The following DSCAM variants were observed in gnomAD, a reference collection of about 807,000 sequenced individuals.
The protein encoded by DSCAM is DS cell adhesion molecule.
A neutral mutation model predicts 217.7 loss-of-function variants in DSCAM; 47 were observed. The observed-to-expected ratio is 0.22, with a 90% confidence interval of 0.17 to 0.28. DSCAM has a LOEUF of 0.28. Ranked by LOEUF, DSCAM falls within the 10% of genes least tolerant of loss-of-function variation. The pLI is 1.00. For missense variants in DSCAM, 2,080 were observed against 2,618.3 expected (o/e 0.79, Z 4.49); for synonymous variants, 1,056 against 1,015.3 (o/e 1.04, Z -0.76).
intron 4 of DSCAM, among the ~76,000 whole-genome samples, chr21:40,364,107 A>C (rs911564913): frequency 6.6e-5 from 10 of 152,180 alleles, no homozygotes; most frequent in African/African-American, 2.4e-5. Flanking sequence ...AAACATTGTG[A>C]AAGTCAGTGT....
intron 3 of DSCAM, among the ~76,000 whole-genome samples, chr21:40,381,076 A>AAG (rs1555911741): frequency 1.1e-4 from 16 of 149,420 alleles, no homozygotes; most frequent in African/African-American, 3.2e-4. Flanking sequence ...AAAAAAAAAA[A>AAG]AAAAAAAAGA....
rs773504976 is a variant in DSCAM at position 40,055,783 on chromosome 21, G to A, written c.4977C>T (p.His1659=). The A allele has an allele frequency of 1.1e-5, 18 of 1,613,852 alleles. No individual in the cohort carries two copies. The highest frequency in any genetic ancestry group is 1.6e-4 in the Middle Eastern group (1 of 6,078). The part of the protein sequence containing the change: ...LSKQQQTLRM[H]IDIPRAQLLI... ...AAAGCTGAGCCCTGGGTATGTCGAT[G>A]TGCATTCGCAGGGTCTGCTGTTGCT... The change falls in exon 29 of 33, where the codon CAC becomes CAT. Residue 1659 remains histidine, a synonymous_variant. Transcript: ENST00000400454.
At position 40,077,571 on chromosome 21, in the gene DSCAM, G is replaced by A. The variant is rs575612704; in HGVS notation, c.4711+1116C>T. ...TAAAGCGGCCTCCCAAATGCACAAA[G>A]TAAAGAAAGAATCACTCTCCTAGAG... On this transcript the variant is annotated intron_variant, in intron 26 of 32. Coordinates refer to ENST00000400454, the MANE Select transcript of DSCAM (RefSeq NM_001389.5). 2.8e-4 allele frequency among the ~76,000 whole-genome samples: 42 copies of A among 152,278 alleles called. 1 individual carries two copies. The highest frequency in any genetic ancestry group is 9.6e-4 in the African/African-American group (40 of 41,560).
intron 6 of DSCAM, among the ~76,000 whole-genome samples, chr21:40,343,608 C>A (rs1204396511): frequency 6.6e-6 from 1 of 152,046 alleles, no homozygotes. Flanking sequence ...TAATGTTCTT[C>A]CAATCTTGCA....
At chr21:40,568,184 CACA>C (rs950542549) in intron 3 of DSCAM, among the ~76,000 whole-genome samples, 3 of 152,198 alleles carry the variant, frequency 2.0e-5, no homozygotes, top group Admixed American at 6.5e-5. Flanking sequence ...TTTTCTAAGT[CACA>C]ACATCTTATC....
intron 1 of DSCAM, among the ~76,000 whole-genome samples, chr21:40,725,038 T>C (rs2090940174): frequency 6.6e-6 from 1 of 151,432 alleles, no homozygotes; most frequent in Non-Finnish European, 1.5e-5. Flanking sequence ...AAAGACTCTT[T>C]AAGGATTGAC....
intron 11 of DSCAM, among the ~76,000 whole-genome samples, chr21:40,200,032 T>C (rs1327674536): frequency 6.6e-6 from 1 of 151,340 alleles, no homozygotes; most frequent in East Asian, 1.9e-4. Flanking sequence ...TTTTTTTTTT[T>C]GGTAAAATAC....
rs1568933715 is a variant in DSCAM, at chr21:40,605,820, T to TTTTTA, written c.508+86989_508+86990insTAAAA. 2.2e-5 allele frequency among the ~76,000 whole-genome samples: 3 copies of TTTTTA among 134,898 alleles called. 1 individual carries two copies. Among genetic ancestry groups the TTTTTA allele is most frequent in the East Asian group, 4.6e-4 (2 of 4,324 alleles). The allele number at this position is 134,898 out of a possible 152,430, so 88.5% of individuals were successfully genotyped here. ...TTTTTTTTTTTTTTTTTTTTTTTTT[T>TTTTTA]AAGACAGTCTCACTGTATTGCCCAG... On this transcript the variant is annotated intron_variant, in intron 3 of 32. Transcript: ENST00000400454.
chr21:40,418,333 T>G (rs1352787903), intron 3 of DSCAM, among the ~76,000 whole-genome samples: 1 of 152,202 alleles, frequency 6.6e-6, no homozygotes, highest in Non-Finnish European at 1.5e-5. Context: ...CAAAAAATCT[T>G]CTAAGAGTTT....
chr21:40,469,773 G>A (rs549988882), intron 3 of DSCAM, among the ~76,000 whole-genome samples: 6 of 152,230 alleles, frequency 3.9e-5, no homozygotes, highest in African/African-American at 1.4e-4. Context: ...TGATTTCTTC[G>A]TGGGAGGAAA....
chr21:40,822,160 A>C (rs2091933437), intron 1 of DSCAM, among the ~76,000 whole-genome samples: 1 of 151,888 alleles, frequency 6.6e-6, no homozygotes, highest in Non-Finnish European at 1.5e-5. Flanking sequence ...CTCTACTAAA[A>C]GTACAAAAAT....
intron 1 of DSCAM, among the ~76,000 whole-genome samples, chr21:40,765,358 C>A (rs929073123): frequency 1.2e-4 from 16 of 138,166 alleles, no homozygotes; most frequent in African/African-American, 3.9e-4. Flanking sequence ...CCTCCTCCTC[C>A]TCTGCTTCCG....
intron 1 of DSCAM, among the ~76,000 whole-genome samples, chr21:40,720,264 A>G (rs991221563): frequency 1.3e-5 from 2 of 152,232 alleles, no homozygotes; most frequent in African/African-American, 2.4e-5. Context: ...GAAAGGGAAT[A>G]TAACTTAGCC....
chr21:40,634,022 TAGAA>T (rs781338256), intron 3 of DSCAM, among the ~76,000 whole-genome samples: 1 of 152,046 alleles, frequency 6.6e-6, no homozygotes, highest in Admixed American at 6.6e-5. Context: ...GCCTAACAAA[TAGAA>T]AGAAAGAGAA....
intron 3 of DSCAM, among the ~76,000 whole-genome samples, chr21:40,493,642 C>T (rs2076093711): frequency 6.6e-6 from 1 of 150,998 alleles, no homozygotes; most frequent in Non-Finnish European, 1.5e-5. Context: ...CAGGTGGATC[C>T]CCTGAGGTCA....
intron 32 of DSCAM, among the ~76,000 whole-genome samples, chr21:40,018,010 T>C (rs551630932): frequency 2.3e-5 from 3 of 132,996 alleles, no homozygotes; most frequent in African/African-American, 8.8e-5. Context: ...TCTTGCCATA[T>C]AGAATAGCTT....
intron 1 of DSCAM, among the ~76,000 whole-genome samples, chr21:40,750,125 A>G (rs2178853): frequency 0.035 from 5,272 of 151,924 alleles, 306 homozygotes; most frequent in African/African-American, 0.12. Context: ...ATGGAGTTTC[A>G]CCATGTTGGC....
At chr21:40,247,394 A>G (rs1017049053) in intron 11 of DSCAM, among the ~76,000 whole-genome samples, 1 of 152,172 alleles carries the variant, frequency 6.6e-6, no homozygotes, top group Non-Finnish European at 1.5e-5. Context: ...GTGCAATCAA[A>G]GCCTAGCTAC....
chr21:40,285,027 T>C (rs2073807780), intron 10 of DSCAM, among the ~76,000 whole-genome samples: 1 of 152,232 alleles, frequency 6.6e-6, no homozygotes, highest in African/African-American at 2.4e-5. Context: ...AACTAATACG[T>C]AATTATGTAA....
Sources: allele counts gnomAD v4.1 joint callset (sites outside exome capture counted in the v4.1 genomes callset), GRCh38; gene constraint gnomAD v4.1.1; transcripts MANE v1.5; gene names NCBI Gene and HGNC (gene_info 2026-07-23, HGNC 2026-07-21).